The following ADGRG6 variants were observed in gnomAD, a reference collection of about 807,000 sequenced individuals.
ADGRG6 encodes the protein G-protein coupled receptor 126.
ADGRG6 carries 84 observed loss-of-function variants against 142.4 expected under a neutral mutation model. The observed-to-expected ratio is 0.59, with a 90% CI of 0.49 to 0.71. The LOEUF is 0.71. ADGRG6 is among the 30% of genes least tolerant of loss of function. The pLI is 0.00. For synonymous variants in ADGRG6, 521 were observed against 520.5 expected (o/e 1.00, Z -0.01); for missense variants, 1,367 against 1,466.6 (o/e 0.93, Z 1.11).
intron 23 of ADGRG6, 37 bp downstream of exon 23, chr6:142,437,572 AG>A (rs1777544550): frequency 1.1e-6 from 1 of 945,870 alleles, no homozygotes; most frequent in East Asian, 2.4e-5. Context: ...ATCTACAAGT[AG>A]ATGGGAAAGT....
In ADGRG6 at chr6:142,383,788, A is replaced by G. The variant is rs1349429150; in HGVS notation, c.1167A>G (p.Pro389=). Residue 389 remains proline, a synonymous_variant, in exon 6 of 25, where the codon CCA becomes CCG. Transcript: ENST00000367609. The stretch of plus-strand genomic sequence containing the variant: ...CTGTAAACTCTCCTAGTACTACACC[A>G]CCCACTGTCACCACTAACATGCCTG... The part of the protein sequence containing the change: ...QATVNSPSTT[P]PTVTTNMPVT... 4.4e-6 allele frequency: 7 copies of G among 1,576,494 alleles called. No homozygotes were observed. Among genetic ancestry groups the G allele is most frequent in the Middle Eastern group, 3.3e-4 (2 of 5,994 alleles).
intron 10 of ADGRG6, among the ~76,000 whole-genome samples, chr6:142,398,237 G>A (rs972227077): frequency 6.6e-6 from 1 of 152,174 alleles, no homozygotes; most frequent in Non-Finnish European, 1.5e-5. Flanking sequence ...ACTAGCCTGG[G>A]CTACACAGGG....
Position 142,402,031 on chromosome 6 carries a change from G to T in ADGRG6, c.1717G>T (p.Gly573Ter). The part of the protein sequence containing the change: ...NATNPLVTYW[G>*]PVDISNCLKE... ...TACCAACCCATTGGTAACCTACTGG[G>T]GACCTGTTGATATCTCCAACTGTTT... The change falls in exon 12 of 25, where the codon GGA becomes TGA. Residue 573 changes from glycine to a stop codon, truncating the protein, a stop_gained. Transcript: ENST00000367609. LOFTEE classifies it high-confidence loss of function. 1.9e-6 allele frequency: 3 copies of T among 1,558,622 alleles called. No individual in the cohort carries two copies. The highest frequency in any genetic ancestry group is 1.2e-5 in the South Asian group (1 of 86,776).
At chr6:142,435,934 C>A (rs1020669930) in intron 22 of ADGRG6, among the ~76,000 whole-genome samples, 2 of 152,010 alleles carry the variant, frequency 1.3e-5, no homozygotes, top group African/African-American at 2.4e-5. Context: ...GGGAGAAGAG[C>A]GTTCAGCATG....
At chr6:142,379,389 T>A (rs1781647926) in intron 4 of ADGRG6, among the ~76,000 whole-genome samples, 1 of 152,218 alleles carries the variant, frequency 6.6e-6, no homozygotes, top group Admixed American at 6.5e-5. Flanking sequence ...GTTTCCCTTC[T>A]TTTGGTTGTA....
intron 6 of ADGRG6, among the ~76,000 whole-genome samples, chr6:142,385,724 G>A (rs531420804): frequency 7.9e-5 from 12 of 152,032 alleles, no homozygotes; most frequent in Non-Finnish European, 1.8e-4. Context: ...GACTAACAAA[G>A]TATTAGAGAC....
chr6:142,397,453 A>G (rs541493925), intron 9 of ADGRG6, among the ~76,000 whole-genome samples, 160 bp from the exon 10 acceptor site: 1 of 152,310 alleles, frequency 6.6e-6, no homozygotes, highest in South Asian at 2.1e-4. Context: ...TAACATTATA[A>G]TTTACACAGC....
At chr6:142,341,472 A>G (rs1206145103) in intron 2 of ADGRG6, among the ~76,000 whole-genome samples, 1 of 117,778 alleles carries the variant, frequency 8.5e-6, no homozygotes, top group African/African-American at 3.4e-5. Flanking sequence ...ATATAATATT[A>G]TGTAGTATAT....
At chr6:142,375,154 G>C (rs139724517) in intron 4 of ADGRG6, among the ~76,000 whole-genome samples, 179 of 152,234 alleles carry the variant, frequency 1.2e-3, no homozygotes, top group African/African-American at 4.1e-3. Flanking sequence ...ATTTAAGTAA[G>C]ATCATGCAGT....
At position 142,420,035 on chromosome 6, in the gene ADGRG6, G is replaced by T; in HGVS notation, c.3250G>T (p.Ala1084Ser). The change falls in exon 22 of 25, where the codon GCA (alanine) becomes TCA (serine). Residue 1084 changes from alanine (A) to serine (S), a missense_variant. Physicochemically the swap from Ala to Ser is moderately conservative, Grantham distance 99. Transcript: ENST00000367609. ...TFLLGMTWGF[A>S]FFAWGPLNIP... ...TCTGTTGGGCATGACATGGGGTTTTGCATTCTTTGCCTGGGGACCCTTAAA... is the reference window on the plus strand; with the variant it reads ...TCTGTTGGGCATGACATGGGGTTTTTCATTCTTTGCCTGGGGACCCTTAAA... 1 of 1,613,296 alleles carries T rather than the reference G, an allele frequency of 6.2e-7. No individual in the cohort carries two copies. Among genetic ancestry groups the T allele is most frequent in the Non-Finnish European group, 8.5e-7 (1 of 1,179,400 alleles).
chr6:142,395,468 T>G (rs943809240), intron 9 of ADGRG6, among the ~76,000 whole-genome samples: 1 of 152,194 alleles, frequency 6.6e-6, no homozygotes, highest in Non-Finnish European at 1.5e-5. Context: ...CGCTTTTTAG[T>G]GTACTTACTG....
rs188825809 is a variant in ADGRG6, at chr6:142,402,512, T to C, written c.1745-108T>C. The C allele has an allele frequency of 6.5e-4, 413 of 637,090 alleles. 2 individuals carry two copies. The highest frequency in any genetic ancestry group is 2.5e-3 in the Middle Eastern group (6 of 2,364). 39.5% of individuals were successfully genotyped at this position (637,090 alleles called of 1,614,324 possible). ...GAGGTATACACAGGAAAATCTCACT[T>C]TCTTGCTTCAACTGTAAAGTGAAAT... On this transcript the variant is annotated intron_variant, in intron 12 of 24. Transcript: ENST00000367609.
intron 2 of ADGRG6, among the ~76,000 whole-genome samples, chr6:142,366,752 C>CAA (rs35575976): frequency 0.08 from 9,674 of 121,282 alleles, 450 homozygotes; most frequent in East Asian, 0.27. Context: ...GAGACTGTCT[C>CAA]AAAAAAAAAA....
chr6:142,390,295 C>G lies in ADGRG6; in HGVS notation c.1260C>G (p.Asn420Lys). The G allele has an allele frequency of 6.2e-7, 1 of 1,600,020 alleles. No homozygotes were observed. Among genetic ancestry groups the G allele is most frequent in the South Asian group, 1.1e-5 (1 of 89,926 alleles). The change falls in exon 7 of 25, where the codon AAC (asparagine) becomes AAG (lysine). Residue 420 changes from asparagine to lysine, a missense_variant. Physicochemically the swap from Asn to Lys is moderately conservative, Grantham distance 94. Around this residue, in one of 3 missense-constraint regions of ADGRG6, gnomAD observed 737 missense variants for 746.5 expected, o/e 0.99. Transcript: ENST00000367609. ...IIYRISVVIQ[N>K]ILRHPEVKVQ... ...ATAGAATATCCGTAGTGATTCAGAA[C>G]ATCCTTCGTCACCCTGAGGTAAAAG...
Position 142,443,379 on chromosome 6 carries a change from C to T in ADGRG6, c.3617C>T (p.Ala1206Val). 6 of 1,612,492 alleles carry T rather than the reference C, an allele frequency of 3.7e-6. No homozygotes were observed. The highest frequency in any genetic ancestry group is 5.1e-6 in the Non-Finnish European group (6 of 1,178,816). ...AAGTCCTTGTCAAAACTGGCCCATG[C>T]TGATGGAGATCAAACATCAATCATC... is the stretch of plus-strand genomic sequence containing the variant. Reference protein sequence around the residue: ...MDKSLSKLAHADGDQTSIIPV... With the variant: ...MDKSLSKLAHVDGDQTSIIPV... The change falls in exon 25 of 25, where the codon GCT becomes GTT. Residue 1206 changes from alanine (A) to valine (V), a missense_variant. Coordinates refer to ENST00000367609, the MANE Select transcript of ADGRG6 (RefSeq NM_198569.3).
At chr6:142,403,201 C>T (rs1410511676) in intron 13 of ADGRG6, among the ~76,000 whole-genome samples, 1 of 151,946 alleles carries the variant, frequency 6.6e-6, no homozygotes, top group Non-Finnish European at 1.5e-5. Flanking sequence ...ACAGCCACAG[C>T]CACATGATTG....
At chr6:142,374,286 C>T (rs890898214) in intron 4 of ADGRG6, among the ~76,000 whole-genome samples, 1 of 152,168 alleles carries the variant, frequency 6.6e-6, no homozygotes, top group Admixed American at 6.5e-5. Context: ...AACCAATCAC[C>T]CACAGGCTAG....
At chr6:142,352,437 AG>A (rs1162122376) in intron 2 of ADGRG6, among the ~76,000 whole-genome samples, 1 of 152,096 alleles carries the variant, frequency 6.6e-6, no homozygotes, top group Non-Finnish European at 1.5e-5. Context: ...ACATAAAGAC[AG>A]GAACAGCAGA....
At chr6:142,403,173 C>T (rs1201320533) in intron 13 of ADGRG6, among the ~76,000 whole-genome samples, 1 of 152,048 alleles carries the variant, frequency 6.6e-6, no homozygotes, top group East Asian at 1.9e-4. Context: ...GTCCACTATA[C>T]TGTGAACTAT....
Sources: gnomAD v4.1 joint callset for allele counts (sites outside exome capture counted in the v4.1 genomes callset) on GRCh38, gnomAD v4.1.1 for gene constraint, gnomAD v4.1.1 regional missense constraint, MANE v1.5 for transcripts, NCBI Gene and HGNC (gene_info 2026-07-23, HGNC 2026-07-21) for gene names.